CRYBG1: variants seen among roughly 807,000 people sequenced by gnomAD.
CRYBG1 encodes the protein crystallin beta-gamma domain containing 1.
CRYBG1 carries 139 observed loss-of-function variants against 189.2 expected under a neutral mutation model. That is an observed-to-expected ratio of 0.73 (90% CI 0.64 to 0.85). The LOEUF is 0.85. Among genes scored for constraint, CRYBG1 ranks in the 40% least tolerant of loss-of-function variants. CRYBG1 has a pLI of 0.00. For synonymous variants in CRYBG1, 1,023 were observed against 1,017.1 expected (o/e 1.01, Z -0.11); for missense variants, 2,611 against 2,675.8 (o/e 0.98, Z 0.53).
intron 1 of CRYBG1, among the ~76,000 whole-genome samples, chr6:106,405,588 G>A (rs1249604840): frequency 1.3e-5 from 2 of 152,224 alleles, no homozygotes; most frequent in Non-Finnish European, 2.9e-5. Context: ...CCTCCTGACA[G>A]GGAGACACCT....
chr6:106,562,657 T>A (rs1222046982), intron 20 of CRYBG1, among the ~76,000 whole-genome samples: 1 of 152,070 alleles, frequency 6.6e-6, no homozygotes, highest in Admixed American at 6.5e-5. Flanking sequence ...CAGCTAACTT[T>A]TTTGTATTTT....
At chr6:106,563,216 C>A (rs1774776790) in intron 20 of CRYBG1, among the ~76,000 whole-genome samples, 1 of 152,162 alleles carries the variant, frequency 6.6e-6, no homozygotes, top group Non-Finnish European at 1.5e-5. Flanking sequence ...AGTGAGTCTG[C>A]ATTTTTCTGT....
At chr6:106,501,283 A>G (rs1396517838) in intron 2 of CRYBG1, among the ~76,000 whole-genome samples, 9 of 152,190 alleles carry the variant, frequency 5.9e-5, no homozygotes, top group Admixed American at 5.9e-4. Flanking sequence ...TTCACCCTGC[A>G]TAGTTTGCAT....
chr6:106,491,260 A>C (rs920584246), intron 2 of CRYBG1, among the ~76,000 whole-genome samples: 2 of 152,222 alleles, frequency 1.3e-5, no homozygotes, highest in African/African-American at 4.8e-5. Flanking sequence ...ACTCCTGATC[A>C]AAAACTGGAA....
Position 106,520,700 on chromosome 6 carries a change from G to A in CRYBG1, c.3492G>A (p.Lys1164=), listed in dbSNP as rs780650499. The change falls in exon 4 of 22, where the codon AAG becomes AAA. Residue 1164 remains lysine (K), a synonymous_variant. Transcript: ENST00000633556. Reference sequence around the variant, plus strand: ...TGTTTACCTTTGGTTTGGGGAAGAAGAAGGAAAGTCAGCCAGAAATGTCAC... The same window carrying A: ...TGTTTACCTTTGGTTTGGGGAAGAAAAAGGAAAGTCAGCCAGAAATGTCAC... The part of the protein sequence containing the change: ...PKVFTFGLGK[K]KESQPEMSPA... 6.2e-7 allele frequency: 1 copy of A among 1,614,168 alleles called. No homozygotes were observed. The highest frequency in any genetic ancestry group is 1.7e-5 in the Admixed American group (1 of 60,016).
At position 106,519,837 on chromosome 6, in the gene CRYBG1, T is replaced by C. The variant is rs1396964693; in HGVS notation, c.2629T>C (p.Ser877Pro). 6.2e-7 allele frequency: 1 copy of C among 1,614,124 alleles called. No individual in the cohort carries two copies. Among genetic ancestry groups the C allele is most frequent in the Non-Finnish European group, 8.5e-7 (1 of 1,180,046 alleles). The change falls in exon 4 of 22, where the codon TCT becomes CCT. Residue 877 changes from serine to proline, a missense_variant. Ser to Pro is a moderately conservative substitution (Grantham distance 74). Around this residue, in one of 3 missense-constraint regions of CRYBG1, gnomAD observed 1,622 missense variants for 1,735.0 expected, o/e 0.93. Transcript: ENST00000633556. ...ATCTCCTGGGCCTTCTCTTTCACTG[T>C]CTGCACCCGCTCCTGGGGATGTTCC... ...ESSPGPSLSL[S>P]APAPGDVPKD...
chr6:106,481,158 T>C (rs1279752123), intron 2 of CRYBG1, among the ~76,000 whole-genome samples: 2 of 92,940 alleles, frequency 2.2e-5, no homozygotes, highest in Admixed American at 1.3e-4. Flanking sequence ...GTATTTTTAG[T>C]AGAGACGGGG....
At chr6:106,499,665 A>AT (rs915657896) in intron 2 of CRYBG1, among the ~76,000 whole-genome samples, 4 of 152,064 alleles carry the variant, frequency 2.6e-5, no homozygotes, top group Non-Finnish European at 4.4e-5. Flanking sequence ...TCAGATACTT[A>AT]TTTTTTGTAA....
chr6:106,422,376 G>C (rs1275233494), intron 1 of CRYBG1, among the ~76,000 whole-genome samples: 2 of 117,126 alleles, frequency 1.7e-5, no homozygotes, highest in Admixed American at 9.7e-5. Context: ...TGGTCACCTA[G>C]GCTGGAATGC....
chr6:106,513,061 G>T, intron 3 of CRYBG1, 22 bp downstream of exon 3: 1 of 1,587,262 alleles, frequency 6.3e-7, no homozygotes, highest in Non-Finnish European at 8.5e-7. Flanking sequence ...CGCAAGTCCC[G>T]GCCGAGTTGC....
chr6:106,403,547 C>T (rs1280201751), intron 1 of CRYBG1, among the ~76,000 whole-genome samples: 2 of 152,186 alleles, frequency 1.3e-5, no homozygotes, highest in Non-Finnish European at 2.9e-5. Context: ...TGCGGAGCAC[C>T]ACTTTCTACC....
At chr6:106,366,629 A>G (rs1459405250) in intron 1 of CRYBG1, among the ~76,000 whole-genome samples, 1 of 152,200 alleles carries the variant, frequency 6.6e-6, no homozygotes, top group African/African-American at 2.4e-5. Flanking sequence ...TGCCTCTGCC[A>G]TTGGGATAGA....
At chr6:106,377,987 A>AT (rs1770204601) in intron 1 of CRYBG1, among the ~76,000 whole-genome samples, 1 of 152,000 alleles carries the variant, frequency 6.6e-6, no homozygotes, top group Non-Finnish European at 1.5e-5. Context: ...GCTTCAGGGT[A>AT]TTTTTCCATA....
intron 1 of CRYBG1, among the ~76,000 whole-genome samples, chr6:106,442,624 T>G (rs1771585087): frequency 6.6e-6 from 1 of 152,198 alleles, no homozygotes; most frequent in African/African-American, 2.4e-5. Flanking sequence ...AGCAACAGGC[T>G]CTGCAAGCAG....
chr6:106,379,813 C>A (rs897315194), intron 1 of CRYBG1, among the ~76,000 whole-genome samples: 1 of 152,132 alleles, frequency 6.6e-6, no homozygotes, highest in Non-Finnish European at 1.5e-5. Flanking sequence ...CTCCTGGCCT[C>A]AAAAAATCCT....
At chr6:106,530,012 T>C (rs1207113048) in intron 7 of CRYBG1, among the ~76,000 whole-genome samples, 164 bp from the exon 8 acceptor site, 4 of 152,234 alleles carry the variant, frequency 2.6e-5, no homozygotes, top group African/African-American at 9.6e-5. Flanking sequence ...TATTATTAAT[T>C]CATGGATGAA....
At chr6:106,567,172 T>C (rs972088307) in intron 21 of CRYBG1, among the ~76,000 whole-genome samples, 4 of 152,234 alleles carry the variant, frequency 2.6e-5, no homozygotes, top group African/African-American at 7.2e-5. Context: ...TTTAACATAC[T>C]ATAATGAAGA....
intron 6 of CRYBG1, among the ~76,000 whole-genome samples, chr6:106,526,276 T>A (rs1425651943): frequency 6.6e-6 from 1 of 152,318 alleles, no homozygotes; most frequent in African/African-American, 2.4e-5. Flanking sequence ...ATATCCAACA[T>A]AGTCATGAGA....
At position 106,539,466 on chromosome 6, in the gene CRYBG1, C is replaced by T. The variant is rs376070489; in HGVS notation, c.4782C>T (p.Tyr1594=). The change falls in exon 9 of 22, where the codon TAC becomes TAT. Residue 1594 remains tyrosine, a synonymous_variant. Transcript: ENST00000633556. ...CTTTCATCCTGGAACCTGGTGAATA[C>T]CCTGACTTGTCCTTCTGGGATACAG... is the stretch of plus-strand genomic sequence containing the variant. ...GVPFILEPGE[Y]PDLSFWDTEE... The T allele has an allele frequency of 1.2e-6, 2 of 1,613,918 alleles. No homozygotes were observed. Among genetic ancestry groups the T allele is most frequent in the Non-Finnish European group, 1.7e-6 (2 of 1,179,858 alleles).
Sources: gnomAD v4.1 joint callset for allele counts (sites outside exome capture counted in the v4.1 genomes callset) on GRCh38, gnomAD v4.1.1 for gene constraint, gnomAD v4.1.1 regional missense constraint, MANE v1.5 for transcripts, NCBI Gene and HGNC (gene_info 2026-07-23, HGNC 2026-07-21) for gene names.